The following IQCJ variants were observed in gnomAD, a reference collection of about 807,000 sequenced individuals.
IQCJ encodes the protein IQ motif containing J.
Under a neutral mutation model 11.0 loss-of-function variants are expected in IQCJ, and 9 were observed. That is an observed-to-expected ratio of 0.82 (90% confidence interval 0.49 to 1.43). The LOEUF is 1.43. IQCJ is among the 40% of genes most tolerant of loss of function. IQCJ has a pLI of 0.00. For missense variants in IQCJ, 146 were observed against 133.2 expected (o/e 1.10, Z -0.47); for synonymous variants, 55 against 51.3 (o/e 1.07, Z -0.31).
intron 2 of IQCJ, among the ~76,000 whole-genome samples, chr3:159,251,640 C>A (rs1727608592): frequency 6.6e-6 from 1 of 151,996 alleles, no homozygotes; most frequent in African/African-American, 2.4e-5. Flanking sequence ...ACACACACCC[C>A]TACCTTACCA....
intron 1 of IQCJ, among the ~76,000 whole-genome samples, chr3:159,163,375 C>A (rs568778821): frequency 2.0e-5 from 3 of 151,974 alleles, no homozygotes; most frequent in South Asian, 2.1e-4. Context: ...ATTCAACAAC[C>A]CTTCATGCTA....
intron 1 of IQCJ, among the ~76,000 whole-genome samples, chr3:159,161,526 T>G (rs534450883): frequency 6.6e-6 from 1 of 152,322 alleles, no homozygotes; most frequent in African/African-American, 2.4e-5. Flanking sequence ...CAGAAGCTCT[T>G]TAGTTTAATT....
At chr3:159,113,170 G>A (rs1332455148) in intron 1 of IQCJ, among the ~76,000 whole-genome samples, 2 of 152,228 alleles carry the variant, frequency 1.3e-5, no homozygotes, top group African/African-American at 4.8e-5. Context: ...AAAGAGCCCT[G>A]GGGCTCCCAC....
intron 1 of IQCJ, among the ~76,000 whole-genome samples, chr3:159,157,809 G>C (rs978312866): frequency 6.6e-6 from 1 of 152,070 alleles, no homozygotes; most frequent in East Asian, 1.9e-4. Flanking sequence ...TGCATACTAC[G>C]CCTACATTAT....
chr3:159,201,735 C>A (rs58603180), intron 1 of IQCJ, among the ~76,000 whole-genome samples: 1 of 144,986 alleles, frequency 6.9e-6, no homozygotes, highest in Non-Finnish European at 1.5e-5. Context: ...CCCGGGTTCA[C>A]GCCATTCACC....
chr3:159,201,665 C>T (rs1053583841), intron 1 of IQCJ, among the ~76,000 whole-genome samples: 14 of 115,374 alleles, frequency 1.2e-4, no homozygotes, highest in Non-Finnish European at 1.6e-4. Flanking sequence ...GACGGAGTCT[C>T]GCTCTGTCGC....
chr3:159,191,534 C>T (rs1349403313), intron 1 of IQCJ, among the ~76,000 whole-genome samples: 2 of 152,104 alleles, frequency 1.3e-5, no homozygotes, highest in African/African-American at 4.8e-5. Context: ...CCTGTCATTG[C>T]TGAAATGAAG....
intron 1 of IQCJ, among the ~76,000 whole-genome samples, chr3:159,225,732 G>A (rs1725819398): frequency 6.6e-6 from 1 of 151,500 alleles, no homozygotes; most frequent in African/African-American, 2.4e-5. Context: ...TTCACCAACT[G>A]GGTGCAGTCA....
chr3:159,115,422 G>A lies in IQCJ; in HGVS notation c.9+45981G>A, dbSNP rs1718918867. Among the ~76,000 whole-genome samples the A allele has an allele frequency of 2.0e-5, 3 of 152,298 alleles. 1 individual carries two copies. Among genetic ancestry groups the A allele is most frequent in the Middle Eastern group, 6.8e-3 (2 of 294 alleles). ...CCATGGGTCAAAATTTGGTTTGGGA[G>A]CCTCAACTAACTTCAGGGAAGGCTG... On this transcript the variant is annotated intron_variant, in intron 1 of 3. Coordinates refer to ENST00000397832, the MANE Select transcript of IQCJ (RefSeq NM_001042706.3).
rs114808403 is a variant in IQCJ, at chr3:159,199,932, T to C, written c.10-45911T>C. ...TCAAGCTACTTCCTAGCTGTGTAAC[T>C]TTGAGTAAGATACTTAACCTCCCCA... is the stretch of plus-strand genomic sequence containing the variant. On this transcript the variant is annotated intron_variant, in intron 1 of 3. Transcript: ENST00000397832. Among the ~76,000 whole-genome samples the C allele has an allele frequency of 1.4e-3, 216 of 151,296 alleles. 2 individuals are homozygous for C. The highest frequency in any genetic ancestry group is 5.1e-3 in the African/African-American group (208 of 41,094).
At chr3:159,090,104 G>T (rs533449645) in intron 1 of IQCJ, among the ~76,000 whole-genome samples, 1 of 151,748 alleles carries the variant, frequency 6.6e-6, no homozygotes, top group East Asian at 1.9e-4. Flanking sequence ...TTTTGGTGTG[G>T]ATGTCCTTTC....
intron 1 of IQCJ, among the ~76,000 whole-genome samples, chr3:159,238,006 G>A (rs1726691299): frequency 6.6e-6 from 1 of 152,128 alleles, no homozygotes; most frequent in African/African-American, 2.4e-5. Flanking sequence ...ACATAGTTGT[G>A]GCAGAGTAGA....
intron 1 of IQCJ, among the ~76,000 whole-genome samples, chr3:159,150,412 C>T (rs997592262): frequency 5.9e-5 from 9 of 152,070 alleles, no homozygotes; most frequent in African/African-American, 1.7e-4. Context: ...CTGAGGGCTG[C>T]TCCTGGAAGT....
chr3:159,109,769 C>G (rs899833452), intron 1 of IQCJ, among the ~76,000 whole-genome samples: 4 of 152,010 alleles, frequency 2.6e-5, no homozygotes, highest in African/African-American at 7.2e-5. Flanking sequence ...AGGATTTTGT[C>G]TGATTTGTGA....
At chr3:159,259,904 T>C (rs1728105739) in intron 3 of IQCJ, among the ~76,000 whole-genome samples, 1 of 152,166 alleles carries the variant, frequency 6.6e-6, no homozygotes. Flanking sequence ...TTAAAAATAA[T>C]AAGATCGTGT....
chr3:159,192,544 G>C (rs1723749053), intron 1 of IQCJ, among the ~76,000 whole-genome samples: 1 of 152,200 alleles, frequency 6.6e-6, no homozygotes, highest in Non-Finnish European at 1.5e-5. Flanking sequence ...TCTGGAGCTA[G>C]CATGGCCCTT....
chr3:159,134,372 C>T (rs550368898), intron 1 of IQCJ, among the ~76,000 whole-genome samples: 5 of 152,238 alleles, frequency 3.3e-5, no homozygotes, highest in Non-Finnish European at 4.4e-5. Context: ...TACACAAGAG[C>T]GTGAACACCA....
chr3:159,245,292 G>T (rs965588408), intron 1 of IQCJ, among the ~76,000 whole-genome samples: 1 of 151,088 alleles, frequency 6.6e-6, no homozygotes, highest in African/African-American at 2.4e-5. Context: ...AAAGAGTGTG[G>T]GTGGATCTAT....
At chr3:159,184,879 G>C (rs1410937016) in intron 1 of IQCJ, among the ~76,000 whole-genome samples, 1 of 152,134 alleles carries the variant, frequency 6.6e-6, no homozygotes, top group East Asian at 1.9e-4. Context: ...ATAGGCTCTG[G>C]ATTGAATTTG....
Sources: gnomAD v4.1 joint callset for allele counts (sites outside exome capture counted in the v4.1 genomes callset) on GRCh38, gnomAD v4.1.1 for gene constraint, MANE v1.5 for transcripts, NCBI Gene and HGNC (gene_info 2026-07-23, HGNC 2026-07-21) for gene names.